FCHSD2: variants seen among roughly 807,000 people sequenced by gnomAD.
FCHSD2 encodes the protein F-BAR and double SH3 domains protein 2.
FCHSD2 carries 38 observed loss-of-function variants against 108.1 expected under a neutral mutation model. That is an observed-to-expected ratio of 0.35 (90% CI 0.27 to 0.46). FCHSD2 has a LOEUF of 0.46. Ranked by LOEUF, FCHSD2 falls within the 20% of genes least tolerant of loss-of-function variation. The pLI is 1.00. For synonymous variants in FCHSD2, 279 were observed against 314.7 expected, an observed-to-expected ratio of 0.89 and a Z score of 1.20; for missense variants, 751 against 897.8, an observed-to-expected ratio of 0.84 and a Z score of 2.09.
chr11:72,838,708 A>G lies in FCHSD2; in HGVS notation c.*83T>C. On this transcript the variant is annotated 3_prime_UTR_variant, in exon 20 of 20. Transcript: ENST00000409418. ...TTTGCTCTGTTCAAGAGTCATCATCATGCAAAGGTGCCTAAAAAACAAGAC... is the reference window on the plus strand; with the variant it reads ...TTTGCTCTGTTCAAGAGTCATCATCGTGCAAAGGTGCCTAAAAAACAAGAC... 1 of 1,149,080 alleles carries G rather than the reference A, an allele frequency of 8.7e-7. No homozygotes were observed. The highest frequency in any genetic ancestry group is 1.3e-6 in the Non-Finnish European group (1 of 783,206). The allele number at this position is 1,149,080 out of a possible 1,614,324, so 71.2% of individuals were successfully genotyped here.
intron 8 of FCHSD2, among the ~76,000 whole-genome samples, chr11:72,942,756 C>T (rs1440208459): frequency 1.3e-5 from 2 of 152,114 alleles, no homozygotes; most frequent in African/African-American, 4.8e-5. Flanking sequence ...TTTATTATGG[C>T]TCTCCTAGAG....
At chr11:73,087,653 CGAG>C (rs1442840304) in intron 2 of FCHSD2, among the ~76,000 whole-genome samples, 2 of 148,998 alleles carry the variant, frequency 1.3e-5, no homozygotes, top group African/African-American at 5.0e-5. Context: ...TGCAGTGGGC[CGAG>C]ATCACACCAC....
chr11:72,895,418 C>T (rs1459723657), intron 10 of FCHSD2, among the ~76,000 whole-genome samples: 1 of 152,190 alleles, frequency 6.6e-6, no homozygotes, highest in Non-Finnish European at 1.5e-5. Context: ...GCGTCTAACA[C>T]TTTTGAGAAC....
chr11:72,875,811 C>G (rs1227181860), intron 12 of FCHSD2, among the ~76,000 whole-genome samples: 1 of 152,192 alleles, frequency 6.6e-6, no homozygotes, highest in East Asian at 1.9e-4. Context: ...GGGCATTTGC[C>G]AATTTAATGG....
intron 2 of FCHSD2, among the ~76,000 whole-genome samples, chr11:73,091,337 G>A (rs542604257): frequency 5.9e-5 from 9 of 152,174 alleles, no homozygotes; most frequent in African/African-American, 1.7e-4. Context: ...TCAGGAGTTC[G>A]AGACCAGCCT....
chr11:72,951,525 C>T (rs949415787), intron 8 of FCHSD2, among the ~76,000 whole-genome samples: 5 of 152,206 alleles, frequency 3.3e-5, no homozygotes, highest in African/African-American at 1.2e-4. Flanking sequence ...GTTATTATTA[C>T]ACATTTCTGA....
chr11:73,061,634 C>T (rs1360536299), intron 3 of FCHSD2, among the ~76,000 whole-genome samples: 1 of 152,162 alleles, frequency 6.6e-6, no homozygotes, highest in Admixed American at 6.5e-5. Flanking sequence ...TGGGGAGAGA[C>T]GTCCGCCATT....
intron 3 of FCHSD2, among the ~76,000 whole-genome samples, chr11:73,060,160 T>C (rs1327179743): frequency 3.3e-5 from 5 of 152,240 alleles, no homozygotes; most frequent in African/African-American, 4.8e-5. Flanking sequence ...AATAGATTCA[T>C]TGAATGAATG....
rs35708688 is a variant in FCHSD2 at position 72,846,181 on chromosome 11, CT to C, written c.1444-2650del. ...TGAGTAAGCTGCTCCTCCTTTTGCT[CT>C]TTTTTTTTTTTTTTTTGAGACGGAG... On this transcript the variant is annotated intron_variant, in intron 14 of 19. Coordinates refer to ENST00000409418, the MANE Select transcript of FCHSD2 (RefSeq NM_014824.3). Among the ~76,000 whole-genome samples, 274 of 137,110 alleles carry C rather than the reference CT, an allele frequency of 2.0e-3. 10 individuals carry two copies. Among genetic ancestry groups the C allele is most frequent in the Middle Eastern group, 3.7e-3 (1 of 270 alleles). 89.9% of individuals were successfully genotyped at this position (137,110 alleles called of 152,430 possible). A position where few individuals can be genotyped will look rare whatever the true frequency, so the allele number is the denominator to read the frequency against.
chr11:73,063,231 CA>C, intron 3 of FCHSD2, among the ~76,000 whole-genome samples: 1 of 152,286 alleles, frequency 6.6e-6, no homozygotes, highest in South Asian at 2.1e-4. Flanking sequence ...TACAGACAAG[CA>C]AATGCTGAGG....
chr11:72,883,839 G>A (rs1308295041), intron 12 of FCHSD2, among the ~76,000 whole-genome samples: 1 of 151,960 alleles, frequency 6.6e-6, no homozygotes, highest in African/African-American at 2.4e-5. Context: ...GGCTGACATG[G>A]GAGAATCGCT....
intron 4 of FCHSD2, among the ~76,000 whole-genome samples, chr11:73,002,174 A>G (rs531617918): frequency 6.6e-6 from 1 of 152,330 alleles, no homozygotes; most frequent in South Asian, 2.1e-4. Context: ...TGTAGAAGCA[A>G]GAAAAAGAAA....
chr11:72,897,718 C>T (rs1252182129), intron 10 of FCHSD2, among the ~76,000 whole-genome samples: 17 of 152,130 alleles, frequency 1.1e-4, no homozygotes, highest in Admixed American at 1.0e-3. Context: ...GAATCACTAA[C>T]CCCAGTGTGA....
At chr11:72,864,147 T>C (rs1390185828) in intron 13 of FCHSD2, among the ~76,000 whole-genome samples, 1 of 152,220 alleles carries the variant, frequency 6.6e-6, no homozygotes, top group Non-Finnish European at 1.5e-5. Flanking sequence ...CCTTGCACAT[T>C]AGTTGGGGAA....
intron 8 of FCHSD2, among the ~76,000 whole-genome samples, chr11:72,948,786 C>G (rs1856567910): frequency 6.6e-6 from 1 of 151,852 alleles, no homozygotes; most frequent in Non-Finnish European, 1.5e-5. Flanking sequence ...CTGCCTCAGT[C>G]TCCCGAGTAG....
chr11:73,130,298 G>C (rs1860966091), intron 2 of FCHSD2, among the ~76,000 whole-genome samples: 1 of 152,188 alleles, frequency 6.6e-6, no homozygotes. Context: ...CCAGGCTGGA[G>C]TGTAGTGGCT....
At chr11:72,846,328 A>G (rs1411712570) in intron 14 of FCHSD2, among the ~76,000 whole-genome samples, 1 of 151,720 alleles carries the variant, frequency 6.6e-6, no homozygotes, top group African/African-American at 2.4e-5. Context: ...TTACAGGTGC[A>G]CACCACCATG....
At chr11:72,999,566 C>T (rs956885303) in intron 5 of FCHSD2, among the ~76,000 whole-genome samples, 1 of 151,980 alleles carries the variant, frequency 6.6e-6, no homozygotes, top group Non-Finnish European at 1.5e-5. Flanking sequence ...GTGATCCACC[C>T]GGCTTGGCCA....
At chr11:73,134,939 G>A (rs747666159) in intron 2 of FCHSD2, among the ~76,000 whole-genome samples, 5 of 152,092 alleles carry the variant, frequency 3.3e-5, no homozygotes, top group Non-Finnish European at 5.9e-5. Context: ...CCACCTCCCA[G>A]GTTCAAGTGA....
Sources: allele counts gnomAD v4.1 joint callset (sites outside exome capture counted in the v4.1 genomes callset), GRCh38; gene constraint gnomAD v4.1.1; transcripts MANE v1.5; gene names NCBI Gene and HGNC (gene_info 2026-07-23, HGNC 2026-07-21).